THSD7A: variants seen among roughly 807,000 people sequenced by gnomAD.
The protein encoded by THSD7A is thrombospondin type-1 domain-containing protein 7A.
In THSD7A, 96 loss-of-function variants were observed where a neutral mutation model predicts 231.3. The observed-to-expected ratio is 0.41, with a 90% CI of 0.35 to 0.49. The LOEUF (loss-of-function observed/expected upper bound fraction) is 0.49, where lower values mean the gene tolerates loss of function less well. THSD7A is among the 20% of genes least tolerant of loss of function. The pLI, the probability that THSD7A is intolerant of heterozygous loss-of-function variation, is 0.05. For missense variants in THSD7A, 2,290 were observed against 2,070.2 expected (o/e 1.11, Z -2.06); for synonymous variants, 940 against 743.3 (o/e 1.26, Z -4.30).
chr7:11,502,489 A>G (rs1259072955), intron 6 of THSD7A, among the ~76,000 whole-genome samples: 4 of 152,344 alleles, frequency 2.6e-5, no homozygotes, highest in Middle Eastern at 3.4e-3. Context: ...ACATATGCAA[A>G]TCAATAAATG....
intron 6 of THSD7A, among the ~76,000 whole-genome samples, chr7:11,491,886 G>A (rs1473441211): frequency 6.6e-6 from 1 of 152,042 alleles, no homozygotes; most frequent in East Asian, 1.9e-4. Context: ...CTTTTTGGGT[G>A]AGCCCTTTGA....
intron 4 of THSD7A, among the ~76,000 whole-genome samples, chr7:11,576,783 T>C (rs1399821271): frequency 2.0e-5 from 3 of 152,206 alleles, no homozygotes; most frequent in African/African-American, 7.2e-5. Context: ...AGGGCTTACA[T>C]TATACTTTTC....
chr7:11,720,653 C>G (rs1219537557), intron 1 of THSD7A, among the ~76,000 whole-genome samples: 1 of 151,716 alleles, frequency 6.6e-6, no homozygotes, highest in Non-Finnish European at 1.5e-5. Context: ...AAGGAACCTA[C>G]CATCAACTGG....
At chr7:11,514,697 T>G (rs1787953030) in intron 6 of THSD7A, among the ~76,000 whole-genome samples, 1 of 152,198 alleles carries the variant, frequency 6.6e-6, no homozygotes. Context: ...TTCACAAAAT[T>G]TTTCAACAGG....
intron 1 of THSD7A, among the ~76,000 whole-genome samples, chr7:11,764,583 A>G (rs1472803642): frequency 1.3e-5 from 2 of 151,848 alleles, no homozygotes; most frequent in Admixed American, 1.3e-4. Context: ...AAAAAAAAAA[A>G]AAAAAGTAAA....
At chr7:11,586,402 T>C (rs1283560211) in intron 4 of THSD7A, among the ~76,000 whole-genome samples, 1 of 152,150 alleles carries the variant, frequency 6.6e-6, no homozygotes, top group Non-Finnish European at 1.5e-5. Flanking sequence ...GACTTAAGGA[T>C]TGCATCTGAG....
intron 18 of THSD7A, among the ~76,000 whole-genome samples, chr7:11,412,440 T>C (rs1261756555): frequency 6.6e-6 from 1 of 152,210 alleles, no homozygotes; most frequent in Non-Finnish European, 1.5e-5. Context: ...TAAGGGCTAA[T>C]GTCTGTTGAC....
At chr7:11,508,905 T>C (rs944578370) in intron 6 of THSD7A, among the ~76,000 whole-genome samples, 1 of 152,168 alleles carries the variant, frequency 6.6e-6, no homozygotes, top group African/African-American at 2.4e-5. Flanking sequence ...ATTCATAGAA[T>C]CAAAGAGTAG....
chr7:11,645,128 T>C (rs1782231338), intron 1 of THSD7A, among the ~76,000 whole-genome samples: 2 of 151,948 alleles, frequency 1.3e-5, no homozygotes, highest in Admixed American at 1.3e-4. Context: ...ATATTTTCTT[T>C]TGTTAATTTG....
chr7:11,422,233 C>G (rs1162534346), intron 16 of THSD7A, among the ~76,000 whole-genome samples: 1 of 152,124 alleles, frequency 6.6e-6, no homozygotes, highest in Non-Finnish European at 1.5e-5. Flanking sequence ...AAAAAAATAT[C>G]CTTCCCTACC....
At chr7:11,492,592 T>C (rs569212253) in intron 6 of THSD7A, among the ~76,000 whole-genome samples, 2 of 152,098 alleles carry the variant, frequency 1.3e-5, no homozygotes, top group East Asian at 1.9e-4. Context: ...TGTGGATTGA[T>C]GAAGTGACTA....
rs1041501858 is a variant in THSD7A at position 11,377,356 on chromosome 7, A to G, written c.4802-699T>C. ...TCTCATCTTTGAACTCCTCAGTTCT[A>G]TGCTCCGAATAAACTTCAAGCACAA... On this transcript the variant is annotated intron_variant, in intron 26 of 27. Coordinates refer to ENST00000423059, the MANE Select transcript of THSD7A (RefSeq NM_015204.3). The surrounding 1 kb of genome is among the most constrained non-coding windows in gnomAD (Gnocchi z 4.5). Among the ~76,000 whole-genome samples, 1 of 152,078 alleles carries G rather than the reference A, an allele frequency of 6.6e-6. No individual in the cohort carries two copies. The highest frequency in any genetic ancestry group is 2.4e-5 in the African/African-American group (1 of 41,436).
chr7:11,781,479 C>T (rs1783630399), intron 1 of THSD7A, among the ~76,000 whole-genome samples: 1 of 151,798 alleles, frequency 6.6e-6, no homozygotes. Flanking sequence ...AAAAAGAAGA[C>T]GAAAAGAAAG....
At chr7:11,556,900 G>C (rs118137053) in intron 4 of THSD7A, among the ~76,000 whole-genome samples, 1 of 151,700 alleles carries the variant, frequency 6.6e-6, no homozygotes, top group Non-Finnish European at 1.5e-5. Flanking sequence ...TTTATCTTTC[G>C]TTTTCAGATT....
chr7:11,818,005 C>A (rs1411059397), intron 1 of THSD7A, among the ~76,000 whole-genome samples: 2 of 152,168 alleles, frequency 1.3e-5, no homozygotes, highest in African/African-American at 4.8e-5. Context: ...TCCCTGAATA[C>A]AGTGGACCTC....
chr7:11,439,738 A>G (rs1784744129), intron 13 of THSD7A, among the ~76,000 whole-genome samples: 1 of 152,054 alleles, frequency 6.6e-6, no homozygotes, highest in East Asian at 1.9e-4. Flanking sequence ...TGAGGAAGCT[A>G]CATAAAAAAC....
At chr7:11,716,690 A>G (rs1047658625) in intron 1 of THSD7A, among the ~76,000 whole-genome samples, 3 of 151,446 alleles carry the variant, frequency 2.0e-5, no homozygotes, top group Admixed American at 6.6e-5. Context: ...CCATTCATCT[A>G]TATCACCACT....
intron 1 of THSD7A, among the ~76,000 whole-genome samples, chr7:11,665,143 G>A (rs1186409638): frequency 6.6e-6 from 1 of 151,984 alleles, no homozygotes; most frequent in Non-Finnish European, 1.5e-5. Flanking sequence ...AAAATTATCG[G>A]TTCTTTCTAC....
At chr7:11,544,995 A>G (rs2107476) in intron 4 of THSD7A, among the ~76,000 whole-genome samples, 126,138 of 151,788 alleles carry the variant, frequency 0.83, 53,094 homozygotes, top group African/African-American at 0.96. Context: ...AGAAGTGTTC[A>G]GCACACTAAT....
Sources: gnomAD v4.1 joint callset for allele counts (sites outside exome capture counted in the v4.1 genomes callset) on GRCh38, gnomAD v4.1.1 for gene constraint, Gnocchi (gnomAD v3.1) non-coding constraint, MANE v1.5 for transcripts, NCBI Gene and HGNC (gene_info 2026-07-23, HGNC 2026-07-21) for gene names.